Variants in CCDC61 observed in about 807,000 individuals in gnomAD.
CCDC61 encodes the protein coiled-coil domain containing 61.
CCDC61 carries 55 observed loss-of-function variants against 63.0 expected under a neutral mutation model. That is an observed-to-expected ratio of 0.87 (90% CI 0.70 to 1.09). CCDC61 has a LOEUF of 1.09. Among genes scored for constraint, CCDC61 ranks in the 50% least tolerant of loss-of-function variants. The pLI is 0.00. For synonymous variants in CCDC61, 270 were observed against 317.0 expected, an observed-to-expected ratio of 0.85 and a Z score of 1.58; for missense variants, 651 against 731.4, an observed-to-expected ratio of 0.89 and a Z score of 1.27.
intron 1 of CCDC61, among the ~76,000 whole-genome samples, chr19:45,998,829 G>A (rs1299456899): frequency 6.6e-6 from 1 of 152,182 alleles, no homozygotes; most frequent in Admixed American, 6.5e-5. Flanking sequence ...AAGGCCCAGA[G>A]AGGGCAAGTA....
chr19:46,008,335 T>TGTGGGGGGGGGGGG, intron 5 of CCDC61, 34 bp downstream of exon 5: 1 of 499,170 alleles, frequency 2.0e-6, no homozygotes, highest in Admixed American at 2.2e-5. Context: ...CTGGGGCGGG[T>TGTGGGGGGGGGGGG]GGGGGCCCTC....
intron 1 of CCDC61, among the ~76,000 whole-genome samples, chr19:45,997,404 T>A (rs9797589): frequency 0.073 from 11,147 of 152,200 alleles, 804 homozygotes; most frequent in African/African-American, 0.17. Flanking sequence ...TATTATTATT[T>A]TTTTTGAGAT....
In CCDC61 at chr19:46,015,905, G is replaced by A; in HGVS notation, c.846-149G>A. The A allele has an allele frequency of 1.7e-6, 1 of 597,838 alleles. No homozygotes were observed. The highest frequency in any genetic ancestry group is 4.9e-4 in the Middle Eastern group (1 of 2,032). 37.0% of individuals were successfully genotyped at this position (597,838 alleles called of 1,614,324 possible). On this transcript the variant is annotated intron_variant, in intron 7 of 13. Coordinates refer to ENST00000595358, the MANE Select transcript of CCDC61 (RefSeq NM_001267723.2). The surrounding 1 kb of genome is among the most constrained non-coding windows in gnomAD (Gnocchi z 5.3). ...CAATTGGGTGAGGTCTGGGGGGGAA[G>A]ATATCGAGAGGGTCATGGGCCCAGG...
chr19:46,009,837 T>TGTGTGTGTGC (rs1272891549), intron 5 of CCDC61, among the ~76,000 whole-genome samples: 6 of 151,348 alleles, frequency 4.0e-5, no homozygotes, highest in African/African-American at 1.5e-4. Context: ...TGTGTGTGTG[T>TGTGTGTGTGC]GCGCGCGCGT....
chr19:46,003,314 T>C lies in CCDC61; in HGVS notation c.149-105T>C, dbSNP rs10411965. On this transcript the variant is annotated intron_variant, in intron 2 of 13. Transcript: ENST00000595358. ...TGGGGAGGGGTGTAGGTCTTGTTGC[T>C]CAAGCCAGAGACACTGGAGTCGGGT... is the stretch of plus-strand genomic sequence containing the variant. 7,449 of 1,433,476 alleles carry C rather than the reference T, an allele frequency of 5.2e-3. 306 individuals are homozygous for C. The African/African-American group carries it at 0.093, about 18-fold the overall frequency. 88.8% of individuals were successfully genotyped at this position (1,433,476 alleles called of 1,614,324 possible).
rs559152255 is a variant in CCDC61, at chr19:45,998,505, G to C, written c.-12+3001G>C. ...GTCAGGGAGGGCTTCCTGCAGGAGAGGGGATTGGAGCTGAGACCTGGAGGA... is the reference window on the plus strand; with the variant it reads ...GTCAGGGAGGGCTTCCTGCAGGAGACGGGATTGGAGCTGAGACCTGGAGGA... On this transcript the variant is annotated intron_variant, in intron 1 of 13. Transcript: ENST00000595358. Among the ~76,000 whole-genome samples, 5 of 152,280 alleles carry C rather than the reference G, an allele frequency of 3.3e-5. No homozygotes were observed. In the South Asian group the frequency reaches 1.0e-3, roughly 32 times the overall value.
intron 3 of CCDC61, 91 bp downstream of exon 3, chr19:46,003,592 C>G: frequency 2.6e-6 from 2 of 764,020 alleles, no homozygotes; most frequent in East Asian, 2.8e-5. Flanking sequence ...ATGTAAGACC[C>G]TCTACCTTCT....
intron 3 of CCDC61, among the ~76,000 whole-genome samples, chr19:46,005,605 T>A (rs1968691144): frequency 6.6e-6 from 1 of 152,166 alleles, no homozygotes; most frequent in African/African-American, 2.4e-5. Flanking sequence ...CGAGAAGCTA[T>A]CAGACACCCA....
Position 46,017,565 on chromosome 19 carries a change from GTTGAGACAGGATAAGGGGGTGGTA to G in CCDC61, c.1368+265_1368+288del, listed in dbSNP as rs566422650. Among the ~76,000 whole-genome samples the G allele has an allele frequency of 9.8e-3, 1,484 of 152,028 alleles. 11 individuals are homozygous for G. Among genetic ancestry groups the G allele is most frequent in the South Asian group, 0.019 (93 of 4,796 alleles). The stretch of plus-strand genomic sequence containing the variant: ...GGCTTTTTTGGGGGGGCAGGGTGGG[GTTGAGACAGGATAAGGGGGTGGTA>G]TTGTCTCTTTATGTTGCCCAGGCTG... On this transcript the variant is annotated intron_variant, in intron 12 of 13. Coordinates refer to ENST00000595358, the MANE Select transcript of CCDC61 (RefSeq NM_001267723.2).
At chr19:46,014,400 C>T (rs920151230) in intron 5 of CCDC61, among the ~76,000 whole-genome samples, 19 of 152,102 alleles carry the variant, frequency 1.2e-4, no homozygotes, top group African/African-American at 4.3e-4. Flanking sequence ...CTGTCTGCAC[C>T]GCACTGTGTC....
intron 1 of CCDC61, among the ~76,000 whole-genome samples, chr19:46,000,990 G>C (rs113903409): frequency 2.0e-5 from 3 of 151,960 alleles, no homozygotes; most frequent in African/African-American, 7.2e-5. Context: ...GACCACGAGT[G>C]GGGGCGGTGA....
Position 46,015,134 on chromosome 19 carries a change from C to G in CCDC61, c.637C>G (p.Arg213Gly). 2.3e-6 allele frequency: 3 copies of G among 1,282,404 alleles called. No individual in the cohort carries two copies. The highest frequency in any genetic ancestry group is 2.9e-6 in the Non-Finnish European group (3 of 1,018,170). 79.4% of individuals were successfully genotyped at this position (1,282,404 alleles called of 1,614,324 possible). The change falls in exon 6 of 14, where the codon CGC becomes GGC. Residue 213 changes from arginine (R) to glycine (G), a missense_variant. Arg to Gly is a moderately radical substitution (Grantham distance 125). Coordinates refer to ENST00000595358, the MANE Select transcript of CCDC61 (RefSeq NM_001267723.2). This position sits in a 1 kb window ranked among gnomAD's most constrained non-coding sequence, Gnocchi z 5.3. ...REEALAGRAA[R>G]QEAEALRGLV... ...GGAGGCGCTGGCCGGGCGCGCGGCACGCCAGGAGGCCGAGGCGCTGCGCGG... is the reference window on the plus strand; with the variant it reads ...GGAGGCGCTGGCCGGGCGCGCGGCAGGCCAGGAGGCCGAGGCGCTGCGCGG...
At chr19:46,006,925 C>T (rs1042342655) in intron 4 of CCDC61, among the ~76,000 whole-genome samples, 12 of 152,222 alleles carry the variant, frequency 7.9e-5, no homozygotes, top group African/African-American at 2.7e-4. Context: ...ACAAACAATA[C>T]ATCAAACAAA....
intron 4 of CCDC61, among the ~76,000 whole-genome samples, chr19:46,007,494 A>C (rs1221980470): frequency 6.6e-6 from 1 of 152,140 alleles, no homozygotes; most frequent in Non-Finnish European, 1.5e-5. Context: ...GGAAAAAAAA[A>C]AGTGTTCCCA....
chr19:46,002,876 C>A, intron 1 of CCDC61, 132 bp from the exon 2 acceptor site: 1 of 817,040 alleles, frequency 1.2e-6, no homozygotes, highest in Admixed American at 2.5e-5. Context: ...AACTAAGGCA[C>A]AGAGAGGTGA....
rs756143335 is a variant in CCDC61 at position 46,003,400 on chromosome 19, G to C, written c.149-19G>C. On this transcript the variant is annotated intron_variant, in intron 2 of 13. Transcript: ENST00000595358. ...GGGCAAGCGGTCAGACCTCAGGAGAGACTTTTCTCCCCACCCAGTCATTGA... is the reference window on the plus strand; with the variant it reads ...GGGCAAGCGGTCAGACCTCAGGAGACACTTTTCTCCCCACCCAGTCATTGA... 2 of 1,610,844 alleles carry C rather than the reference G, an allele frequency of 1.2e-6. No homozygotes were observed. Among genetic ancestry groups the C allele is most frequent in the South Asian group, 2.2e-5 (2 of 90,714 alleles).
chr19:46,009,802 CTGTGTGTGTGTGTATG>C (rs1311666366), intron 5 of CCDC61, among the ~76,000 whole-genome samples: 2 of 128,216 alleles, frequency 1.6e-5, no homozygotes, highest in African/African-American at 3.2e-5. Context: ...TGCTCTCAGG[CTGTGTGTGTGTGTATG>C]TGTGTGTGTG....
intron 1 of CCDC61, among the ~76,000 whole-genome samples, chr19:46,001,281 C>G (rs1968586874): frequency 6.6e-6 from 1 of 152,104 alleles, no homozygotes; most frequent in Non-Finnish European, 1.5e-5. Context: ...GGCTGGAGTG[C>G]AATGGCATGA....
At chr19:46,014,724 ATT>A (rs1393299178) in intron 5 of CCDC61, among the ~76,000 whole-genome samples, 1 of 152,128 alleles carries the variant, frequency 6.6e-6, no homozygotes, top group Non-Finnish European at 1.5e-5. Context: ...GTGTGTACAG[ATT>A]GATGAAATCG....
Sources: gnomAD v4.1 joint callset for allele counts (sites outside exome capture counted in the v4.1 genomes callset) on GRCh38, gnomAD v4.1.1 for gene constraint, Gnocchi (gnomAD v3.1) non-coding constraint, MANE v1.5 for transcripts, NCBI Gene and HGNC (gene_info 2026-07-23, HGNC 2026-07-21) for gene names.